Variants in CSMD1 observed in about 807,000 individuals in gnomAD.
CSMD1 encodes the protein CUB and Sushi multiple domains 1.
Under a neutral mutation model 417.5 loss-of-function variants are expected in CSMD1, and 213 were observed. The ratio of observed to expected loss-of-function variants is 0.51; its 90% confidence interval spans 0.46 to 0.57. The LOEUF (loss-of-function observed/expected upper bound fraction) is 0.57, where lower values mean the gene tolerates loss of function less well. Ranked by LOEUF, CSMD1 falls within the 20% of genes least tolerant of loss-of-function variation. The probability of loss-of-function intolerance (pLI) is 0.00; values close to 1 mark genes in which losing one functional copy is unlikely to be tolerated. For missense variants in CSMD1, 6,923 were observed against 4,529.7 expected, an observed-to-expected ratio of 1.53 and a Z score of -15.17; for synonymous variants, 2,862 against 1,736.8, an observed-to-expected ratio of 1.65 and a Z score of -16.11.
intron 6 of CSMD1, among the ~76,000 whole-genome samples, chr8:3,718,541 G>C (rs1056460936): frequency 1.3e-5 from 2 of 152,136 alleles, no homozygotes; most frequent in African/African-American, 4.8e-5. Context: ...TTGGTTATCA[G>C]AATCTTTTAA....
intron 3 of CSMD1, among the ~76,000 whole-genome samples, chr8:4,058,061 T>C (rs1179617240): frequency 6.6e-6 from 1 of 152,240 alleles, no homozygotes; most frequent in Non-Finnish European, 1.5e-5. Context: ...TTTTTTCCAA[T>C]TCTGTGAAGG....
chr8:3,701,528 T>C (rs1230685134), intron 7 of CSMD1, among the ~76,000 whole-genome samples: 3 of 151,388 alleles, frequency 2.0e-5, no homozygotes, highest in Non-Finnish European at 4.4e-5. Flanking sequence ...TTTTTTAGCA[T>C]ATTGGAATTT....
At chr8:4,568,375 T>C (rs1027269424) in intron 2 of CSMD1, among the ~76,000 whole-genome samples, 15 of 152,196 alleles carry the variant, frequency 9.9e-5, no homozygotes, top group Admixed American at 8.5e-4. Context: ...ACATGCGTTG[T>C]TTCGTTTTCT....
chr8:3,962,209 T>A (rs1812376986), intron 5 of CSMD1, among the ~76,000 whole-genome samples: 3 of 152,138 alleles, frequency 2.0e-5, no homozygotes, highest in Non-Finnish European at 4.4e-5. Context: ...AGAATGGGAT[T>A]GTTTTGCACC....
At chr8:4,098,246 A>G (rs966084926) in intron 3 of CSMD1, among the ~76,000 whole-genome samples, 1 of 152,218 alleles carries the variant, frequency 6.6e-6, no homozygotes, top group Non-Finnish European at 1.5e-5. Flanking sequence ...ATTACAATAA[A>G]TACAATGTAC....
At chr8:3,737,201 A>C (rs1433915472) in intron 6 of CSMD1, among the ~76,000 whole-genome samples, 2 of 149,148 alleles carry the variant, frequency 1.3e-5, no homozygotes, top group Non-Finnish European at 3.0e-5. Context: ...AACAATGACT[A>C]TCGGGAGAAA....
At chr8:3,445,885 G>T (rs1482522107) in intron 12 of CSMD1, among the ~76,000 whole-genome samples, 2 of 152,142 alleles carry the variant, frequency 1.3e-5, no homozygotes, top group Non-Finnish European at 2.9e-5. Context: ...AATAGCAAAA[G>T]CGTAAAATTG....
chr8:3,608,362 G>A (rs181484981), intron 8 of CSMD1, among the ~76,000 whole-genome samples: 64 of 152,100 alleles, frequency 4.2e-4, no homozygotes, highest in Non-Finnish European at 7.2e-4. Context: ...AAAGGGACAT[G>A]GAAGCAGTTG....
rs142763936 is a variant in CSMD1, at chr8:4,118,808, C to A, written c.416-86709G>T. ...ACATGCACATGTATGTTTATTACAG[C>A]ACTATTCACAATAGCAAAGACTTGG... On this transcript the variant is annotated intron_variant, in intron 3 of 69. Coordinates refer to ENST00000635120, the MANE Select transcript of CSMD1 (RefSeq NM_033225.6). Among the ~76,000 whole-genome samples, 305 of 152,286 alleles carry A rather than the reference C, an allele frequency of 2.0e-3. 2 individuals carry two copies. The highest frequency in any genetic ancestry group is 6.8e-3 in the Middle Eastern group (2 of 294).
intron 12 of CSMD1, among the ~76,000 whole-genome samples, chr8:3,453,155 G>A (rs898130831): frequency 1.3e-5 from 2 of 152,104 alleles, no homozygotes; most frequent in Non-Finnish European, 2.9e-5. Context: ...CATGGGATTG[G>A]TGGTGATATC....
chr8:3,570,820 G>A (rs1273254788), intron 10 of CSMD1, among the ~76,000 whole-genome samples: 5 of 152,156 alleles, frequency 3.3e-5, no homozygotes, highest in Non-Finnish European at 7.3e-5. Context: ...GGACGACAAG[G>A]AGTTTCACTT....
intron 2 of CSMD1, among the ~76,000 whole-genome samples, chr8:4,537,222 T>A (rs1585219850): frequency 6.6e-6 from 1 of 152,182 alleles, no homozygotes; most frequent in Admixed American, 6.5e-5. Context: ...TTTAAAATAT[T>A]TGATTTAGAG....
chr8:4,318,133 T>C (rs934042142), intron 3 of CSMD1, among the ~76,000 whole-genome samples: 5 of 152,152 alleles, frequency 3.3e-5, no homozygotes, highest in Non-Finnish European at 4.4e-5. Context: ...TGCAACTACA[T>C]TGTTATTTAT....
intron 6 of CSMD1, among the ~76,000 whole-genome samples, chr8:3,720,083 C>T (rs985194896): frequency 3.3e-4 from 50 of 152,316 alleles, no homozygotes; most frequent in African/African-American, 1.1e-3. Context: ...AAATGAAGAA[C>T]TTTCCAAGTC....
intron 3 of CSMD1, among the ~76,000 whole-genome samples, chr8:4,056,786 T>C (rs151164345): frequency 0.015 from 2,214 of 151,976 alleles, 21 homozygotes; most frequent in Middle Eastern, 0.024. Context: ...ACATGCGGTG[T>C]TTCGTTTTTT....
intron 1 of CSMD1, among the ~76,000 whole-genome samples, chr8:4,709,370 G>A (rs958330686): frequency 2.0e-5 from 3 of 152,130 alleles, no homozygotes; most frequent in Admixed American, 1.3e-4. Context: ...ATGTCCCATT[G>A]TGTGCAGCAA....
intron 1 of CSMD1, among the ~76,000 whole-genome samples, chr8:4,768,670 G>T (rs553455900): frequency 6.6e-6 from 1 of 152,256 alleles, no homozygotes; most frequent in East Asian, 1.9e-4. Flanking sequence ...CAGATGGGAG[G>T]GAAAGGTGTT....
At chr8:4,396,605 G>C (rs71523629) in intron 3 of CSMD1, among the ~76,000 whole-genome samples, 2 of 146,804 alleles carry the variant, frequency 1.4e-5, no homozygotes, top group African/African-American at 5.2e-5. Context: ...GAGTGCATAA[G>C]GAAAATGTGA....
intron 51 of CSMD1, among the ~76,000 whole-genome samples, chr8:3,018,964 T>A (rs1170998818): frequency 6.6e-6 from 1 of 152,128 alleles, no homozygotes; most frequent in Non-Finnish European, 1.5e-5. Context: ...GTTGACCAGG[T>A]TGGAGTGCAG....
Sources: gnomAD v4.1 joint callset for allele counts (sites outside exome capture counted in the v4.1 genomes callset) on GRCh38, gnomAD v4.1.1 for gene constraint, MANE v1.5 for transcripts, NCBI Gene and HGNC (gene_info 2026-07-23, HGNC 2026-07-21) for gene names.